Variants in MAP3K13 observed in about 807,000 individuals in gnomAD.
MAP3K13 encodes the protein leucine zipper-bearing kinase.
Under a neutral mutation model 104.0 loss-of-function variants are expected in MAP3K13, and 52 were observed. The ratio of observed to expected loss-of-function variants is 0.50; its 90% CI spans 0.40 to 0.63. The LOEUF is 0.63. Among genes scored for constraint, MAP3K13 ranks in the 20% least tolerant of loss-of-function variants. The pLI is 0.00. For synonymous variants in MAP3K13, 394 were observed against 442.2 expected, an observed-to-expected ratio of 0.89 and a Z score of 1.37; for missense variants, 914 against 1,218.5, an observed-to-expected ratio of 0.75 and a Z score of 3.72.
rs1483546195 is a variant in MAP3K13 at position 185,320,292 on chromosome 3, G to C, written c.-86+34649G>C. On this transcript the variant is annotated intron_variant, in intron 2 of 14. Coordinates refer to the MAP3K13 transcript ENST00000424227. ...GATAAGGTCTCACCATGTTGGCCAG[G>C]CTGGTCTCAAACTCCTGACCTCAGG... Among the ~76,000 whole-genome samples the C allele has an allele frequency of 2.0e-5, 3 of 152,058 alleles. No individual in the cohort carries two copies. In the South Asian group the frequency reaches 6.2e-4, roughly 32 times the overall value.
chr3:185,300,628 G>A (rs188821042), intron 2 of MAP3K13, among the ~76,000 whole-genome samples: 98 of 152,172 alleles, frequency 6.4e-4, no homozygotes, highest in African/African-American at 2.2e-3. Context: ...GACTAGCTGG[G>A]ACCACAGGTG....
At chr3:185,300,122 G>A (rs541667113) in intron 2 of MAP3K13, among the ~76,000 whole-genome samples, 1 of 150,508 alleles carries the variant, frequency 6.6e-6, no homozygotes, top group Admixed American at 6.6e-5. Flanking sequence ...TGGCTGGTTC[G>A]TTTCACTTAA....
At chr3:185,322,599 A>T (rs1473212257) in intron 2 of MAP3K13, among the ~76,000 whole-genome samples, 3 of 152,170 alleles carry the variant, frequency 2.0e-5, no homozygotes, top group Non-Finnish European at 4.4e-5. Flanking sequence ...CAGTTATCTC[A>T]GTTCTGTTCT....
chr3:185,458,632 T>C (rs573687618), intron 7 of MAP3K13, among the ~76,000 whole-genome samples: 1 of 152,292 alleles, frequency 6.6e-6, no homozygotes, highest in South Asian at 2.1e-4. Flanking sequence ...GGCAGGCACA[T>C]TCTCTTTCTA....
chr3:185,422,190 C>A (rs939577956), intron 1 of MAP3K13, among the ~76,000 whole-genome samples: 1 of 152,132 alleles, frequency 6.6e-6, no homozygotes, highest in African/African-American at 2.4e-5. Flanking sequence ...CTGGGACTTG[C>A]TATTGTTTTT....
At chr3:185,363,858 G>A (rs1723750428) in intron 1 of MAP3K13, among the ~76,000 whole-genome samples, 1 of 152,164 alleles carries the variant, frequency 6.6e-6, no homozygotes, top group South Asian at 2.1e-4. Flanking sequence ...TCTTGCGATT[G>A]CAATTTGGTG....
intron 2 of MAP3K13, among the ~76,000 whole-genome samples, chr3:185,299,278 C>G (rs1721018814): frequency 1.3e-5 from 2 of 152,172 alleles, no homozygotes; most frequent in African/African-American, 4.8e-5. Flanking sequence ...GAAGAGAAGG[C>G]ACCGTAAAGG....
At chr3:185,451,878 A>G (rs1020316182) in intron 7 of MAP3K13, among the ~76,000 whole-genome samples, 10 of 151,942 alleles carry the variant, frequency 6.6e-5, no homozygotes, top group African/African-American at 2.4e-4. Flanking sequence ...AAAAAAAAAA[A>G]AAAAGAAAAA....
intron 7 of MAP3K13, among the ~76,000 whole-genome samples, chr3:185,457,137 A>AACC (rs559517683): frequency 0.71 from 108,312 of 151,964 alleles, 40,582 homozygotes; most frequent in Non-Finnish European, 0.83. Context: ...AAGTTGCCAC[A>AACC]GTCGGGTTCC....
Position 185,480,547 on chromosome 3 carries a change from C to T in MAP3K13, c.2799+18C>T, listed in dbSNP as rs1718390245. The T allele has an allele frequency of 6.2e-7, 1 of 1,607,418 alleles. No individual in the cohort carries two copies. Among genetic ancestry groups the T allele is most frequent in the African/African-American group, 1.3e-5 (1 of 74,720 alleles). ...GCTATGAGGTGGGGGCTTCTCCCTT[C>T]TCCTCCCATCACTGTTCCCTTTTTT... is the stretch of plus-strand genomic sequence containing the variant. On this transcript the variant is annotated intron_variant, in intron 13 of 13. Transcript: ENST00000265026.
intron 2 of MAP3K13, among the ~76,000 whole-genome samples, chr3:185,297,915 T>A (rs1422986308): frequency 6.6e-6 from 1 of 152,020 alleles, no homozygotes; most frequent in Non-Finnish European, 1.5e-5. Flanking sequence ...TAATAGATAT[T>A]GTACAGTACA....
chr3:185,318,322 C>T (rs1388993234), intron 2 of MAP3K13, among the ~76,000 whole-genome samples: 2 of 152,202 alleles, frequency 1.3e-5, no homozygotes, highest in African/African-American at 4.8e-5. Flanking sequence ...AGTTCTTGCT[C>T]TTGCAGCTTT....
intron 1 of MAP3K13, among the ~76,000 whole-genome samples, chr3:185,371,297 C>G (rs1470681189): frequency 3.9e-5 from 6 of 152,206 alleles, no homozygotes; most frequent in African/African-American, 1.4e-4. Context: ...CTAGTCCTAA[C>G]AGCTATAATA....
At chr3:185,456,786 G>A (rs1030938066) in intron 7 of MAP3K13, among the ~76,000 whole-genome samples, 1 of 151,830 alleles carries the variant, frequency 6.6e-6, no homozygotes, top group Non-Finnish European at 1.5e-5. Context: ...ATTTTTAGTA[G>A]AGACAGGTTT....
intron 2 of MAP3K13, among the ~76,000 whole-genome samples, chr3:185,290,730 G>A (rs748686324): frequency 6.6e-6 from 1 of 152,166 alleles, no homozygotes; most frequent in Non-Finnish European, 1.5e-5. Context: ...TTCATGGACT[G>A]TTGTGAGGAT....
chr3:185,365,232 C>G (rs1723814275), intron 1 of MAP3K13, among the ~76,000 whole-genome samples: 1 of 152,108 alleles, frequency 6.6e-6, no homozygotes, highest in African/African-American at 2.4e-5. Flanking sequence ...GTATAGTGTA[C>G]TTGTAGGGAA....
At chr3:185,386,637 CAG>C (rs1465358359) in intron 1 of MAP3K13, among the ~76,000 whole-genome samples, 1 of 152,116 alleles carries the variant, frequency 6.6e-6, no homozygotes, top group Non-Finnish European at 1.5e-5. Context: ...ATAGCAAAGA[CAG>C]GGAGTCAACC....
intron 2 of MAP3K13, among the ~76,000 whole-genome samples, chr3:185,305,541 C>T (rs530029873): frequency 6.6e-6 from 1 of 152,082 alleles, no homozygotes; most frequent in African/African-American, 2.4e-5. Flanking sequence ...GCCATCATTA[C>T]AGTATTACAT....
chr3:185,390,621 ATT>A lies in MAP3K13; in HGVS notation c.-86+27273_-86+27274del, dbSNP rs750832762. On this transcript the variant is annotated intron_variant, in intron 1 of 13. Coordinates refer to ENST00000265026, the MANE Select transcript of MAP3K13 (RefSeq NM_004721.5). Reference sequence around the variant, plus strand: ...TCTTTGAAATCACTTTACAGTCAGAATTTTTTTTTTTTTTTTTTTTTGAGACA... The same window carrying A: ...TCTTTGAAATCACTTTACAGTCAGAATTTTTTTTTTTTTTTTTTTGAGACA... 0.012 allele frequency among the ~76,000 whole-genome samples: 1,516 copies of A among 123,588 alleles called. 46 individuals carry two copies. The East Asian group carries it at 0.15, about 12-fold the overall frequency. 81.1% of individuals were successfully genotyped at this position (123,588 alleles called of 152,430 possible).
Sources: allele counts gnomAD v4.1 joint callset (sites outside exome capture counted in the v4.1 genomes callset), GRCh38; gene constraint gnomAD v4.1.1; transcripts MANE v1.5; gene names NCBI Gene and HGNC (gene_info 2026-07-23, HGNC 2026-07-21).